STK32B: variants seen among roughly 807,000 people sequenced by gnomAD.
STK32B encodes the protein serine/threonine-protein kinase 32B.
Under a neutral mutation model 52.6 loss-of-function variants are expected in STK32B, and 43 were observed. That is an observed-to-expected ratio of 0.82 (90% CI 0.64 to 1.05). The LOEUF (loss-of-function observed/expected upper bound fraction) is 1.05. STK32B is among the 50% of genes least tolerant of loss of function. The pLI is 0.00. For synonymous variants in STK32B, 238 were observed against 204.3 expected (o/e 1.17, Z -1.41); for missense variants, 621 against 534.6 (o/e 1.16, Z -1.59).
At chr4:5,132,381 A>G (rs956146605) in intron 1 of STK32B, among the ~76,000 whole-genome samples, 6 of 152,202 alleles carry the variant, frequency 3.9e-5, no homozygotes, top group African/African-American at 1.2e-4. Flanking sequence ...CCTATTAGGA[A>G]CTATGCTTAC....
chr4:5,051,101 C>G (rs1470749887), upstream of STK32B, among the ~76,000 whole-genome samples: 6 of 152,122 alleles, frequency 3.9e-5, no homozygotes, highest in Non-Finnish European at 7.4e-5. Flanking sequence ...ACTCCACTGC[C>G]CATCCCAATA....
intron 1 of STK32B, among the ~76,000 whole-genome samples, chr4:5,132,321 T>C (rs13135888): frequency 0.77 from 116,545 of 151,964 alleles, 47,068 homozygotes; most frequent in South Asian, 0.89. Context: ...CACATGGACA[T>C]AAAGAGGGGA....
intron 3 of STK32B, among the ~76,000 whole-genome samples, chr4:5,227,568 T>G (rs772444892): frequency 6.6e-6 from 1 of 152,210 alleles, no homozygotes; most frequent in Non-Finnish European, 1.5e-5. Context: ...ACAAATACAT[T>G]CTGATATTTT....
chr4:5,364,660 C>T (rs1286328875), intron 4 of STK32B, among the ~76,000 whole-genome samples: 5 of 152,154 alleles, frequency 3.3e-5, no homozygotes, highest in Non-Finnish European at 1.5e-5. Context: ...GGCTGTGCCC[C>T]AGGGACAGCC....
intron 4 of STK32B, among the ~76,000 whole-genome samples, chr4:5,364,402 T>C (rs1397493777): frequency 6.6e-6 from 1 of 152,236 alleles, no homozygotes; most frequent in Non-Finnish European, 1.5e-5. Context: ...GCTAGCTTCA[T>C]TTGTCAAACA....
At chr4:5,476,265 A>C (rs1344125595) in intron 11 of STK32B, among the ~76,000 whole-genome samples, 1 of 152,154 alleles carries the variant, frequency 6.6e-6, no homozygotes, top group East Asian at 1.9e-4. Context: ...GGTCACTGGT[A>C]AAGTGTTTTA....
intron 1 of STK32B, among the ~76,000 whole-genome samples, chr4:5,081,214 T>C (rs1370358871): frequency 6.6e-6 from 1 of 152,238 alleles, no homozygotes; most frequent in Non-Finnish European, 1.5e-5. Context: ...ATTTACTTCA[T>C]TCATTTTTCC....
Position 5,400,091 on chromosome 4 carries a change from G to C in STK32B, c.472+1847G>C, listed in dbSNP as rs919819673. On this transcript the variant is annotated intron_variant, in intron 5 of 11. Transcript: ENST00000282908. The surrounding 1 kb of genome is among the most constrained non-coding windows in gnomAD (Gnocchi z 6.1). ...CAGAAACATCAATAGCAATAAGCTA[G>C]CCATTGCACTGATGAGGAAAAGTGA... 3.9e-5 allele frequency among the ~76,000 whole-genome samples: 6 copies of C among 152,196 alleles called. No individual in the cohort carries two copies. The highest frequency in any genetic ancestry group is 1.4e-4 in the African/African-American group (6 of 41,448).
chr4:5,079,071 A>G (rs559278555), intron 1 of STK32B, among the ~76,000 whole-genome samples: 16 of 152,122 alleles, frequency 1.1e-4, no homozygotes, highest in Non-Finnish European at 2.2e-4. Flanking sequence ...TCCTCTCCAA[A>G]CTTTTTTTAG....
intron 3 of STK32B, among the ~76,000 whole-genome samples, chr4:5,220,199 T>C (rs1158852140): frequency 1.3e-5 from 2 of 152,202 alleles, no homozygotes; most frequent in African/African-American, 4.8e-5. Flanking sequence ...GTTCGAGAAC[T>C]ATCCAGGGTC....
At chr4:5,171,846 A>C (rs1421621370) in intron 3 of STK32B, among the ~76,000 whole-genome samples, 1 of 151,050 alleles carries the variant, frequency 6.6e-6, no homozygotes, top group African/African-American at 2.4e-5. Context: ...TCTGTGAAGA[A>C]AGTCATTGGT....
At chr4:5,196,258 G>A (rs902419846) in intron 3 of STK32B, among the ~76,000 whole-genome samples, 4 of 151,494 alleles carry the variant, frequency 2.6e-5, no homozygotes, top group South Asian at 4.2e-4. Flanking sequence ...GAGGGCCTGC[G>A]TGGGCTGATG....
At chr4:5,488,883 A>AT (rs1029705814) in intron 11 of STK32B, among the ~76,000 whole-genome samples, 1 of 152,030 alleles carries the variant, frequency 6.6e-6, no homozygotes, top group African/African-American at 2.4e-5. Flanking sequence ...TAGACAAAAC[A>AT]TTTTTTTCTC....
intron 3 of STK32B, among the ~76,000 whole-genome samples, chr4:5,183,134 A>G (rs1263237865): frequency 6.6e-6 from 1 of 152,162 alleles, no homozygotes; most frequent in Non-Finnish European, 1.5e-5. Flanking sequence ...ACTTAAAGTC[A>G]CCGACTGCAT....
intron 1 of STK32B, among the ~76,000 whole-genome samples, chr4:5,108,327 T>C (rs575033764): frequency 1.3e-5 from 2 of 152,348 alleles, no homozygotes; most frequent in South Asian, 4.2e-4. Context: ...ATATATGTCC[T>C]GCACATGCTT....
intron 6 of STK32B, among the ~76,000 whole-genome samples, chr4:5,428,858 A>C (rs1326560154): frequency 6.6e-6 from 1 of 152,120 alleles, no homozygotes; most frequent in Non-Finnish European, 1.5e-5. Flanking sequence ...TGTCATTCTT[A>C]TTCCTTGTTC....
chr4:5,275,581 C>G (rs955226958), intron 3 of STK32B, among the ~76,000 whole-genome samples: 1 of 151,726 alleles, frequency 6.6e-6, no homozygotes, highest in Non-Finnish European at 1.5e-5. Flanking sequence ...AACTCCTGTT[C>G]GTGCCTCAGA....
chr4:5,353,210 G>A (rs1733949907), intron 4 of STK32B, among the ~76,000 whole-genome samples: 1 of 152,044 alleles, frequency 6.6e-6, no homozygotes, highest in African/African-American at 2.4e-5. Flanking sequence ...ATATGCAGAA[G>A]AATGAAACTG....
At chr4:5,230,178 C>CTTTTTTTTTTTTTTTTTT (rs752036100) in intron 3 of STK32B, among the ~76,000 whole-genome samples, 5 of 71,124 alleles carry the variant, frequency 7.0e-5, no homozygotes, top group East Asian at 3.7e-4. Flanking sequence ...CATGCATTCC[C>CTTTTTTTTTTTTTTTTTT]TTTTTTTTTT....
Sources: gnomAD v4.1 joint callset for allele counts (sites outside exome capture counted in the v4.1 genomes callset) on GRCh38, gnomAD v4.1.1 for gene constraint, Gnocchi (gnomAD v3.1) non-coding constraint, MANE v1.5 for transcripts, NCBI Gene and HGNC (gene_info 2026-07-23, HGNC 2026-07-21) for gene names.